DSG3: variants seen among roughly 807,000 people sequenced by gnomAD.
DSG3 encodes desmoglein 3, also known as desmoglein-3.
A neutral mutation model predicts 85.9 loss-of-function variants in DSG3; 63 were observed. The ratio of observed to expected loss-of-function variants is 0.73; its 90% CI spans 0.60 to 0.90. The LOEUF (loss-of-function observed/expected upper bound fraction) is 0.90, where lower values mean the gene tolerates loss of function less well. Ranked by LOEUF, DSG3 falls within the 40% of genes least tolerant of loss-of-function variation. The pLI, the probability that DSG3 is intolerant of heterozygous loss-of-function variation, is 0.00. For synonymous variants in DSG3, 447 were observed against 441.9 expected (o/e 1.01, Z -0.14); for missense variants, 1,220 against 1,219.9 (o/e 1.00, Z 0.00).
rs200747593 is a variant in DSG3, at chr18:31,475,741, T to C, written c.2481T>C (p.Pro827=). 7.3e-4 allele frequency: 1,176 copies of C among 1,614,228 alleles called. 21 individuals carry two copies. In the South Asian group the frequency reaches 0.012, roughly 17 times the overall value. The change falls in exon 16 of 16, where the codon CCT becomes CCC. Residue 827 remains proline, a synonymous_variant. Coordinates refer to ENST00000257189, the MANE Select transcript of DSG3 (RefSeq NM_001944.3). ...AAGGCGCAGATGCCACTGGTTCTCC[T>C]GTGGGCTCCGTGGGTTGTTGCAGTT... ...DNEGADATGS[P]VGSVGCCSFI...
intron 11 of DSG3, among the ~76,000 whole-genome samples, 156 bp downstream of exon 11, chr18:31,466,910 T>C (rs919148361): frequency 3.3e-5 from 5 of 152,262 alleles, no homozygotes; most frequent in Non-Finnish European, 7.3e-5. Flanking sequence ...TACTTCTCTT[T>C]TCAGAAGAGA....
In DSG3 at chr18:31,477,849, C is replaced by T. The variant is rs1419856062; in HGVS notation, c.*1589C>T. 2 of 152,228 alleles carry T rather than the reference C, an allele frequency of 1.3e-5. No individual in the cohort carries two copies. The highest frequency in any genetic ancestry group is 2.9e-5 in the Non-Finnish European group (2 of 68,042). The allele number at this position is 152,228 out of a possible 1,614,324, so 9.4% of individuals were successfully genotyped here. ...CATTATCAGCCTCCATTATTCCTTA[C>T]TGTATATAAAATACAGAGTTTTATA... On this transcript the variant is annotated 3_prime_UTR_variant, in exon 16 of 16. Coordinates refer to ENST00000257189, the MANE Select transcript of DSG3 (RefSeq NM_001944.3).
chr18:31,465,821 G>T (rs1219595072), intron 10 of DSG3, among the ~76,000 whole-genome samples: 1 of 152,134 alleles, frequency 6.6e-6, no homozygotes, highest in Non-Finnish European at 1.5e-5. Context: ...TACCTATAGA[G>T]ACCTCATGTA....
chr18:31,456,464 T>A lies in DSG3; in HGVS notation c.73T>A (p.Leu25Met). The A allele has an allele frequency of 7.4e-7, 1 of 1,343,802 alleles. No individual in the cohort carries two copies. Among genetic ancestry groups the A allele is most frequent in the Non-Finnish European group, 9.6e-7 (1 of 1,039,648 alleles). 83.2% of individuals were successfully genotyped at this position (1,343,802 alleles called of 1,614,324 possible). A position where few individuals can be genotyped will look rare whatever the true frequency, so the allele number is the denominator to read the frequency against. Residue 25 changes from leucine to methionine, a missense_variant, in exon 2 of 16, where the codon TTG becomes ATG. Coordinates refer to ENST00000257189, the MANE Select transcript of DSG3 (RefSeq NM_001944.3). ...FVVVILVHGE[L>M]RIETKGQYDE... ...GGTGGTCATATTGGTTCATGGAGAA[T>A]TGCGAATAGAGGTAAAGTATGAAAA... is the stretch of plus-strand genomic sequence containing the variant.
rs1231135860 is a variant in DSG3 at position 31,474,415 on chromosome 18, G to GA, written c.2385+16dup. The GA allele has an allele frequency of 9.4e-6, 15 of 1,587,662 alleles. No homozygotes were observed. The East Asian group carries it at 3.4e-4, about 36-fold the overall frequency. ...TCCTACTTTTCTCAGGTAATTTGGT[G>GA]AAAAACTTTGTGGCTTGATTATCTT... On this transcript the variant is annotated intron_variant, in intron 15 of 15. Transcript: ENST00000257189.
intron 10 of DSG3, 50 bp from the exon 11 acceptor site, chr18:31,466,480 T>C: frequency 6.5e-7 from 1 of 1,529,716 alleles, no homozygotes. Context: ...TCCTTTTTTG[T>C]ACAACTTTGT....
At chr18:31,448,366 A>G (rs1327190819) in intron 1 of DSG3, among the ~76,000 whole-genome samples, 2 of 152,236 alleles carry the variant, frequency 1.3e-5, no homozygotes, top group Admixed American at 6.5e-5. Context: ...CGCTTTTAAA[A>G]GTAAAAAATC....
Position 31,461,268 on chromosome 18 carries a change from A to G in DSG3, c.855A>G (p.Leu285=). 1.9e-6 allele frequency: 3 copies of G among 1,613,612 alleles called. No individual in the cohort carries two copies. The highest frequency in any genetic ancestry group is 2.5e-6 in the Non-Finnish European group (3 of 1,179,798). ...AAGAAAATATTTTAAGTTCTGAATT[A>G]CTTCGATTTCAAGTAACAGATTTGG... ...RIEENILSSE[L]LRFQVTDLDE... Residue 285 remains leucine (L), a synonymous_variant, in exon 8 of 16, where the codon TTA becomes TTG. Coordinates refer to ENST00000257189, the MANE Select transcript of DSG3 (RefSeq NM_001944.3).
At chr18:31,469,052 CGTCCTACTGT>C in intron 11 of DSG3, 27 bp from the exon 12 acceptor site, 1 of 1,604,958 alleles carries the variant, frequency 6.2e-7, no homozygotes. Flanking sequence ...AAAGACACTT[CGTCCTACTGT>C]TGATTTGCAT....
At chr18:31,460,520 A>G (rs1180709806) in intron 6 of DSG3, among the ~76,000 whole-genome samples, 2 of 152,130 alleles carry the variant, frequency 1.3e-5, no homozygotes, top group Non-Finnish European at 2.9e-5. Flanking sequence ...GTCAGACCCC[A>G]TATTATTTTT....
chr18:31,457,760 T>C (rs940116934), intron 3 of DSG3, among the ~76,000 whole-genome samples: 1 of 151,986 alleles, frequency 6.6e-6, no homozygotes, highest in Admixed American at 6.6e-5. Flanking sequence ...CCTGAGTAGC[T>C]GGGATTACAG....
intron 3 of DSG3, 72 bp downstream of exon 3, chr18:31,457,196 A>G: frequency 6.8e-7 from 1 of 1,470,402 alleles, no homozygotes; most frequent in Non-Finnish European, 9.1e-7. Context: ...ATAATACGGC[A>G]ATTCCAAATA....
chr18:31,449,961 T>G (rs1457232134), intron 1 of DSG3, among the ~76,000 whole-genome samples: 2 of 152,220 alleles, frequency 1.3e-5, no homozygotes, highest in Non-Finnish European at 2.9e-5. Flanking sequence ...GTAAAATATG[T>G]CAATAATTTT....
At chr18:31,450,545 G>T (rs146006102) in intron 1 of DSG3, among the ~76,000 whole-genome samples, 125 of 152,252 alleles carry the variant, frequency 8.2e-4, no homozygotes, top group African/African-American at 3.0e-3. Flanking sequence ...TTTTGTTGTT[G>T]CAGGGTGGGT....
chr18:31,457,573 CTTTCTTTCTTTCTTCTTTCTTTCT>C (rs1216940752), intron 3 of DSG3, among the ~76,000 whole-genome samples: 8,114 of 111,580 alleles, frequency 0.073, 219 homozygotes, highest in South Asian at 0.12. Flanking sequence ...TTCTTTCTTT[CTTTCTTTCTTTCTTCTTTCTTTCT>C]TTCTTTCTTT....
Position 31,457,596 on chromosome 18 carries a change from CTTTCTTTCT to C in DSG3, c.216+475_216+483del, listed in dbSNP as rs1568086522. 8.8e-3 allele frequency among the ~76,000 whole-genome samples: 629 copies of C among 71,882 alleles called. 3 individuals carry two copies. Among genetic ancestry groups the C allele is most frequent in the African/African-American group, 0.047 (607 of 12,824 alleles). 47.2% of individuals were successfully genotyped at this position (71,882 alleles called of 152,430 possible). On this transcript the variant is annotated intron_variant, in intron 3 of 15. Coordinates refer to ENST00000257189, the MANE Select transcript of DSG3 (RefSeq NM_001944.3). ...TTCTTTCTTTCTTTCTTCTTTCTTTCTTTCTTTCTTTCTTTCTTTCTTTCTTTCTTTCTT... is the reference window on the plus strand; with the variant it reads ...TTCTTTCTTTCTTTCTTCTTTCTTTCTTCTTTCTTTCTTTCTTTCTTTCTT...
chr18:31,461,878 A>T (rs1169489636), intron 8 of DSG3, among the ~76,000 whole-genome samples: 1 of 152,212 alleles, frequency 6.6e-6, no homozygotes, highest in Non-Finnish European at 1.5e-5. Flanking sequence ...CTTCCTACAA[A>T]ATGGGAATTT....
chr18:31,451,699 C>T (rs1193959882), intron 1 of DSG3, among the ~76,000 whole-genome samples: 1 of 152,146 alleles, frequency 6.6e-6, no homozygotes. Flanking sequence ...ATACCCTTGC[C>T]AAATGGTTCT....
At chr18:31,469,803 C>T (rs551435270) in intron 12 of DSG3, among the ~76,000 whole-genome samples, 1 of 152,040 alleles carries the variant, frequency 6.6e-6, no homozygotes, top group Non-Finnish European at 1.5e-5. Context: ...GATATCACCA[C>T]ATGCTATTAA....
Sources: gnomAD v4.1 joint callset for allele counts (sites outside exome capture counted in the v4.1 genomes callset) on GRCh38, gnomAD v4.1.1 for gene constraint, MANE v1.5 for transcripts, NCBI Gene and HGNC (gene_info 2026-07-23, HGNC 2026-07-21) for gene names.